GPER1: variants seen among roughly 807,000 people sequenced by gnomAD.
The protein encoded by GPER1 is G protein-coupled estrogen receptor 1.
GPER1 carries 2 observed loss-of-function variants against 0.6 expected under a neutral mutation model. The observed-to-expected ratio is 3.41, with a 90% CI of 1.39 to 10.72. The LOEUF (loss-of-function observed/expected upper bound fraction) is 10.72, where lower values mean the gene tolerates loss of function less well. Ranked by LOEUF, GPER1 falls within the 30% of genes most tolerant of loss-of-function variation. GPER1 has a pLI of 0.04. For missense variants in GPER1, 441 were observed against 535.2 expected (o/e 0.82, Z 1.74); for synonymous variants, 263 against 247.6 (o/e 1.06, Z -0.58).
rs760376118 is a variant in GPER1 at position 1,092,766 on chromosome 7, G to C, written c.1038G>C (p.Pro346=). The C allele has an allele frequency of 1.9e-6, 3 of 1,613,608 alleles. No homozygotes were observed. Residue 346 remains proline (P), a synonymous_variant, in exon 2 of 2, where the codon CCG becomes CCC. Coordinates refer to ENST00000397088, the MANE Select transcript of GPER1 (RefSeq NM_001098201.3). ...ACATTGAGCAGAAAACAAATTTGCC[G>C]GCCCTGAACCGCTTCTGTCACGCTG... ...RLYIEQKTNL[P]ALNRFCHAAL... is the part of the protein sequence containing the mutation.
intron 1 of GPER1, among the ~76,000 whole-genome samples, chr7:1,090,948 T>C (rs12702029): frequency 0.52 from 78,971 of 152,042 alleles, 21,718 homozygotes; most frequent in African/African-American, 0.71. Context: ...GATTCTGCTC[T>C]GATGTCCAGC....
chr7:1,090,772 T>C (rs185663833), intron 1 of GPER1, among the ~76,000 whole-genome samples: 2 of 152,376 alleles, frequency 1.3e-5, no homozygotes, highest in East Asian at 3.9e-4. Context: ...CAAAAACATA[T>C]TAGGTTTTAC....
rs897354566 is a variant in GPER1 at position 1,093,197 on chromosome 7, C to T, written c.*341C>T. On this transcript the variant is annotated 3_prime_UTR_variant, in exon 2 of 2. Coordinates refer to ENST00000397088, the MANE Select transcript of GPER1 (RefSeq NM_001098201.3). ...CCGCTGCAGGAAACATTTCTGACAC[C>T]GTCGACCAGGAAAGCCACACGGAGA... 3.8e-6 allele frequency: 2 copies of T among 522,052 alleles called. No homozygotes were observed. Among genetic ancestry groups the T allele is most frequent in the East Asian group, 5.3e-5 (1 of 18,736 alleles). 32.3% of individuals were successfully genotyped at this position (522,052 alleles called of 1,614,324 possible).
chr7:1,092,946 A>G lies in GPER1; in HGVS notation c.*90A>G, dbSNP rs777759506. 1.6e-5 allele frequency: 20 copies of G among 1,253,608 alleles called. No homozygotes were observed. Among genetic ancestry groups the G allele is most frequent in the Non-Finnish European group, 2.1e-5 (18 of 871,862 alleles). The allele number at this position is 1,253,608 out of a possible 1,614,324, so 77.7% of individuals were successfully genotyped here. ...CAAGGCACGGCCACGTCATGTCTCT[A>G]AACTGCGGTCAGATGTGGCTTCTGG... is the stretch of plus-strand genomic sequence containing the variant. On this transcript the variant is annotated 3_prime_UTR_variant, in exon 2 of 2. Coordinates refer to ENST00000397088, the MANE Select transcript of GPER1 (RefSeq NM_001098201.3).
chr7:1,090,803 A>G (rs1661705373), intron 1 of GPER1, among the ~76,000 whole-genome samples: 1 of 152,280 alleles, frequency 6.6e-6, no homozygotes, highest in South Asian at 2.1e-4. Flanking sequence ...TAAAACATGA[A>G]ATAAAAACGT....
rs1440696349 is a variant in GPER1 at position 1,091,881 on chromosome 7, G to A, written c.153G>A (p.Glu51=). Residue 51 remains glutamate, a synonymous_variant, in exon 2 of 2, where the codon GAG becomes GAA. Transcript: ENST00000397088. The stretch of plus-strand genomic sequence containing the variant: ...CCAATGGGACAGGTGAGCTCTCGGA[G>A]CACCAGCAGTACGTGATCGGCCTGT... ...ALANGTGELS[E]HQQYVIGLFL... is the part of the protein sequence containing the mutation. 1 of 1,613,892 alleles carries A rather than the reference G, an allele frequency of 6.2e-7. No homozygotes were observed. The highest frequency in any genetic ancestry group is 1.1e-5 in the South Asian group (1 of 91,086).
At position 1,092,294 on chromosome 7, in the gene GPER1, C is replaced by A. The variant is rs147112257; in HGVS notation, c.566C>A (p.Thr189Lys). The part of the protein sequence containing the change: ...GLIWMASVSA[T>K]LVPFTAVHLQ... The stretch of plus-strand genomic sequence containing the variant: ...ATCTGGATGGCATCCGTGTCAGCCA[C>A]GCTGGTGCCCTTCACCGCCGTGCAC... Residue 189 changes from threonine (T) to lysine (K), a missense_variant, in exon 2 of 2, where the codon ACG becomes AAG. Coordinates refer to ENST00000397088, the MANE Select transcript of GPER1 (RefSeq NM_001098201.3). The A allele has an allele frequency of 1.2e-6, 2 of 1,611,784 alleles. No homozygotes were observed. Among genetic ancestry groups the A allele is most frequent in the Non-Finnish European group, 1.7e-6 (2 of 1,179,710 alleles).
chr7:1,093,426 A>G lies in GPER1; in HGVS notation c.*570A>G, dbSNP rs1788235499. ...AACATGCTGCTCTGGTGCACGCCTGAGCGTCCTCCATCTTCCAGGATGGCA... is the reference window on the plus strand; with the variant it reads ...AACATGCTGCTCTGGTGCACGCCTGGGCGTCCTCCATCTTCCAGGATGGCA... On this transcript the variant is annotated 3_prime_UTR_variant, in exon 2 of 2. Coordinates refer to ENST00000397088, the MANE Select transcript of GPER1 (RefSeq NM_001098201.3). The G allele has an allele frequency of 1.5e-5, 7 of 462,306 alleles. No homozygotes were observed. Among genetic ancestry groups the G allele is most frequent in the Non-Finnish European group, 2.7e-5 (6 of 221,320 alleles). 28.6% of individuals were successfully genotyped at this position (462,306 alleles called of 1,614,324 possible).
upstream of GPER1, chr7:1,087,353 G>A (rs540122769): frequency 2.6e-5 from 4 of 152,364 alleles, no homozygotes; most frequent in Middle Eastern, 3.4e-3. Flanking sequence ...CTTGGGACCG[G>A]AAGAGTTTCG....
At position 1,092,263 on chromosome 7, in the gene GPER1, G is replaced by A. The variant is rs768049762; in HGVS notation, c.535G>A (p.Gly179Ser). The A allele has an allele frequency of 2.5e-6, 4 of 1,612,184 alleles. No individual in the cohort carries two copies. Among genetic ancestry groups the A allele is most frequent in the Non-Finnish European group, 3.4e-6 (4 of 1,179,974 alleles). ...CAAGCACCACGCCCGGCTGAGCTGT[G>A]GCCTCATCTGGATGGCATCCGTGTC... is the stretch of plus-strand genomic sequence containing the variant. The part of the protein sequence containing the change: ...RTKHHARLSC[G>S]LIWMASVSAT... Residue 179 changes from glycine (G) to serine (S), a missense_variant, in exon 2 of 2, where the codon GGC becomes AGC. Gly to Ser is a moderately conservative substitution (Grantham distance 56). Transcript: ENST00000397088.
In GPER1 at chr7:1,091,510, G is replaced by A. The variant is rs1015414239; in HGVS notation, c.-219G>A. On this transcript the variant is annotated 5_prime_UTR_variant, in exon 2 of 2. The change abolishes an upstream ATG in the 5' untranslated region. Transcript: ENST00000397088. ...GCGGAGGGCCCTCGCCTCCACGGAT[G>A]CACCATGCCGGTGTGAGGAGCATCT... 11 of 532,886 alleles carry A rather than the reference G, an allele frequency of 2.1e-5. No homozygotes were observed. The highest frequency in any genetic ancestry group is 3.6e-5 in the Non-Finnish European group (11 of 302,294). The allele number at this position is 532,886 out of a possible 1,614,324, so 33.0% of individuals were successfully genotyped here.
In GPER1 at chr7:1,093,315, T is replaced by C; in HGVS notation, c.*459T>C. On this transcript the variant is annotated 3_prime_UTR_variant, in exon 2 of 2. Coordinates refer to ENST00000397088, the MANE Select transcript of GPER1 (RefSeq NM_001098201.3). The stretch of plus-strand genomic sequence containing the variant: ...TGACGCTGGAGATGCAAGGTGCTGG[T>C]GGGTCTGAGCTGGACGTCGCGGTGT... 2.3e-6 allele frequency: 1 copy of C among 426,570 alleles called. No homozygotes were observed. The highest frequency in any genetic ancestry group is 4.9e-6 in the Non-Finnish European group (1 of 202,656). The allele number at this position is 426,570 out of a possible 1,614,324, so 26.4% of individuals were successfully genotyped here.
Position 1,092,410 on chromosome 7 carries a change from GCCA to G in GPER1, c.683_685del (p.Ala228_Ile229delinsVal). ...CACGCTGGGCTTCATCGTGCCCTTC[GCCA>G]TCATCGGCCTGTGCTACTCCCTCAT... On this transcript the variant is annotated inframe_deletion, in exon 2 of 2. Coordinates refer to ENST00000397088, the MANE Select transcript of GPER1 (RefSeq NM_001098201.3). The G allele has an allele frequency of 6.2e-7, 1 of 1,607,244 alleles. No individual in the cohort carries two copies. Among genetic ancestry groups the G allele is most frequent in the South Asian group, 1.1e-5 (1 of 90,606 alleles).
At chr7:1,090,175 A>G (rs1787813022) in intron 1 of GPER1, among the ~76,000 whole-genome samples, 1 of 152,214 alleles carries the variant, frequency 6.6e-6, no homozygotes, top group Admixed American at 6.5e-5. Context: ...AGTTTACTCC[A>G]GGGCACCAGC....
In GPER1 at chr7:1,092,109, C is replaced by T. The variant is rs780063298; in HGVS notation, c.381C>T (p.Ala127=). The T allele has an allele frequency of 1.7e-5, 28 of 1,613,702 alleles. No individual in the cohort carries two copies. Among genetic ancestry groups the T allele is most frequent in the Admixed American group, 5.0e-5 (3 of 60,012 alleles). The change falls in exon 2 of 2, where the codon GCC becomes GCT. Residue 127 remains alanine, a synonymous_variant. Coordinates refer to ENST00000397088, the MANE Select transcript of GPER1 (RefSeq NM_001098201.3). ...TGCACGAGCGGTACTACGACATCGC[C>T]GTCCTGTGCACCTTCATGTCGCTCT... ...FNLHERYYDI[A]VLCTFMSLFL... is the part of the protein sequence containing the mutation.
In GPER1 at chr7:1,088,688, C is replaced by T. The variant is rs1271704004; in HGVS notation, c.-323+367C>T. ...AGTCACTCTCACCAACCCTGAAGCC[C>T]TGGGAGGGCCACACGCCTTTTGACA... is the stretch of plus-strand genomic sequence containing the variant. On this transcript the variant is annotated intron_variant, in intron 1 of 1. Coordinates refer to ENST00000397088, the MANE Select transcript of GPER1 (RefSeq NM_001098201.3). The surrounding 1 kb of genome is among the most constrained non-coding windows in gnomAD (Gnocchi z 4.5). 6.6e-6 allele frequency among the ~76,000 whole-genome samples: 1 copy of T among 152,196 alleles called. No homozygotes were observed. Among genetic ancestry groups the T allele is most frequent in the Non-Finnish European group, 1.5e-5 (1 of 68,040 alleles).
In GPER1 at chr7:1,091,959, C is replaced by T. The variant is rs1265922363; in HGVS notation, c.231C>T (p.Asn77=). Residue 77 remains asparagine, a synonymous_variant, in exon 2 of 2, where the codon AAC becomes AAT. Transcript: ENST00000397088. ...TCTTCCCCATCGGCTTTGTGGGCAA[C>T]ATCCTGATCCTGGTGGTGAACATCA... ...IFLFPIGFVG[N]ILILVVNISF... is the part of the protein sequence containing the mutation. 6 of 1,614,018 alleles carry T rather than the reference C, an allele frequency of 3.7e-6. No homozygotes were observed. Among genetic ancestry groups the T allele is most frequent in the Non-Finnish European group, 5.1e-6 (6 of 1,180,036 alleles).
chr7:1,092,923 A>T lies in GPER1; in HGVS notation c.*67A>T, dbSNP rs1788164593. The stretch of plus-strand genomic sequence containing the variant: ...AGCTGCACACACCTGGGTGGACACA[A>T]GGCACGGCCACGTCATGTCTCTAAA... On this transcript the variant is annotated 3_prime_UTR_variant, in exon 2 of 2. Transcript: ENST00000397088. The T allele has an allele frequency of 7.0e-7, 1 of 1,431,984 alleles. No individual in the cohort carries two copies. Among genetic ancestry groups the T allele is most frequent in the African/African-American group, 1.4e-5 (1 of 71,700 alleles). 88.7% of individuals were successfully genotyped at this position (1,431,984 alleles called of 1,614,324 possible).
chr7:1,091,236 C>A (rs1050018242), intron 1 of GPER1, among the ~76,000 whole-genome samples, 171 bp from the exon 2 acceptor site: 3 of 152,238 alleles, frequency 2.0e-5, no homozygotes, highest in African/African-American at 7.2e-5. Context: ...GGCGACTCTT[C>A]CACCTCAGCT....
Sources: allele counts gnomAD v4.1 joint callset (sites outside exome capture counted in the v4.1 genomes callset), GRCh38; gene constraint gnomAD v4.1.1; non-coding constraint Gnocchi (gnomAD v3.1); transcripts MANE v1.5; gene names NCBI Gene and HGNC (gene_info 2026-07-23, HGNC 2026-07-21).